CYFIP2: variants seen among roughly 807,000 people sequenced by gnomAD.
CYFIP2 encodes the protein cytoplasmic FMR1-interacting protein 2.
CYFIP2 carries 29 observed loss-of-function variants against 158.7 expected under a neutral mutation model. That is an observed-to-expected ratio of 0.18 (90% CI 0.14 to 0.25). CYFIP2 has a LOEUF of 0.25. CYFIP2 is among the 10% of genes least tolerant of loss of function. The probability of loss-of-function intolerance (pLI) is 1.00; values close to 1 mark genes in which losing one functional copy is unlikely to be tolerated. For synonymous variants in CYFIP2, 585 were observed against 617.6 expected, an observed-to-expected ratio of 0.95 and a Z score of 0.78; for missense variants, 852 against 1,639.5, an observed-to-expected ratio of 0.52 and a Z score of 8.29.
chr5:157,385,710 T>C (rs1209382767), intron 28 of CYFIP2, among the ~76,000 whole-genome samples: 2 of 152,190 alleles, frequency 1.3e-5, no homozygotes, highest in Non-Finnish European at 2.9e-5. Flanking sequence ...TTTACCTGCC[T>C]TTCTTGTTAT....
intron 4 of CYFIP2, among the ~76,000 whole-genome samples, chr5:157,295,396 A>C (rs1758172485): frequency 6.6e-6 from 1 of 152,228 alleles, no homozygotes; most frequent in Admixed American, 6.5e-5. Flanking sequence ...TATTACCATC[A>C]GTGCCATCAT....
At chr5:157,356,738 C>T (rs777458412) in intron 23 of CYFIP2, among the ~76,000 whole-genome samples, 1 of 152,170 alleles carries the variant, frequency 6.6e-6, no homozygotes, top group African/African-American at 2.4e-5. Context: ...GAAGAGTACA[C>T]GCCTCCTAGC....
At chr5:157,293,146 C>G (rs576277994) in intron 3 of CYFIP2, among the ~76,000 whole-genome samples, 2 of 152,214 alleles carry the variant, frequency 1.3e-5, no homozygotes, top group South Asian at 4.2e-4. Flanking sequence ...GCCTCTGCCC[C>G]CCGAGTTCAT....
intron 7 of CYFIP2, among the ~76,000 whole-genome samples, chr5:157,303,739 G>A (rs1036435619): frequency 3.9e-5 from 6 of 152,064 alleles, no homozygotes; most frequent in African/African-American, 1.4e-4. Context: ...TGGAGAGAAA[G>A]GGCCTAGGGT....
chr5:157,303,850 G>T (rs116596115), intron 7 of CYFIP2, among the ~76,000 whole-genome samples: 67 of 151,756 alleles, frequency 4.4e-4, no homozygotes, highest in African/African-American at 1.5e-3. Context: ...TCCTCCCCTG[G>T]GTGGGGTTTT....
chr5:157,343,828 A>G (rs1418948467), intron 23 of CYFIP2, among the ~76,000 whole-genome samples: 1 of 152,088 alleles, frequency 6.6e-6, no homozygotes, highest in African/African-American at 2.4e-5. Context: ...TCAGATAACA[A>G]AGGGGATTTT....
chr5:157,271,146 G>A (rs1756056887), intron 1 of CYFIP2, among the ~76,000 whole-genome samples: 2 of 152,202 alleles, frequency 1.3e-5, no homozygotes, highest in African/African-American at 4.8e-5. Context: ...TAAGATTTGA[G>A]AAGGGAAGAA....
intron 23 of CYFIP2, among the ~76,000 whole-genome samples, chr5:157,353,705 A>T (rs1763228017): frequency 6.6e-6 from 1 of 152,174 alleles, no homozygotes; most frequent in Non-Finnish European, 1.5e-5. Context: ...TAGGGAATTG[A>T]GCTGCAGCCA....
intron 12 of CYFIP2, 63 bp from the exon 13 acceptor site, chr5:157,314,906 C>A (rs1193377423): frequency 1.6e-6 from 2 of 1,268,450 alleles, no homozygotes; most frequent in African/African-American, 1.5e-5. Context: ...TGCATGGATC[C>A]ACCACATTCT....
rs1010909113 is a variant in CYFIP2 at position 157,326,171 on chromosome 5, G to A, written c.1983G>A (p.Glu661=). The change falls in exon 18 of 31, where the codon GAG becomes GAA. Residue 661 remains glutamate, a splice_region_variant and synonymous_variant. Transcript: ENST00000620254. Reference sequence around the variant, plus strand: ...GCTGGCTGTGTTTTTCCCTCTTCAGGTATGTCCTCTACCCTCTGGATCTGT... The same window carrying A: ...GCTGGCTGTGTTTTTCCCTCTTCAGATATGTCCTCTACCCTCTGGATCTGT... ...ILETKEPSMM[E]YVLYPLDLYN... is the part of the protein sequence containing the mutation. 5.0e-6 allele frequency: 8 copies of A among 1,612,638 alleles called. No individual in the cohort carries two copies. The African/African-American group carries it at 9.3e-5, about 19-fold the overall frequency.
At chr5:157,391,207 A>G (rs990642520) in intron 30 of CYFIP2, among the ~76,000 whole-genome samples, 3 of 152,202 alleles carry the variant, frequency 2.0e-5, no homozygotes, top group Non-Finnish European at 4.4e-5. Flanking sequence ...CAGCAGAGGC[A>G]CTGAGGCAGG....
At chr5:157,384,178 G>A (rs1284238923) in intron 28 of CYFIP2, 1 of 411,904 alleles carries the variant, frequency 2.4e-6, no homozygotes, top group East Asian at 7.2e-5. Context: ...TACGAGTCAC[G>A]ATGAACATCA....
intron 15 of CYFIP2, among the ~76,000 whole-genome samples, chr5:157,323,650 T>C (rs1760784856): frequency 6.6e-6 from 1 of 152,198 alleles, no homozygotes; most frequent in African/African-American, 2.4e-5. Flanking sequence ...TCTCCTCTGA[T>C]ATACACGCCC....
At chr5:157,324,972 ATTAT>A (rs2113135274) in intron 16 of CYFIP2, 1 of 151,900 alleles carries the variant, frequency 6.6e-6, no homozygotes, top group South Asian at 2.1e-4. Context: ...TGCCCGGCTA[ATTAT>A]TTATTTTTTT....
intron 1 of CYFIP2, among the ~76,000 whole-genome samples, chr5:157,267,980 TG>T (rs1755753777): frequency 6.6e-6 from 1 of 152,238 alleles, no homozygotes; most frequent in Non-Finnish European, 1.5e-5. Flanking sequence ...ACTGGTCAGG[TG>T]TTACTGTCAC....
At chr5:157,336,398 A>C (rs1761860798) in intron 21 of CYFIP2, among the ~76,000 whole-genome samples, 1 of 152,238 alleles carries the variant, frequency 6.6e-6, no homozygotes, top group African/African-American at 2.4e-5. Flanking sequence ...AAACTGCAGA[A>C]GCTCTGGCAA....
At chr5:157,287,315 T>C (rs1757473135) in intron 3 of CYFIP2, among the ~76,000 whole-genome samples, 1 of 152,250 alleles carries the variant, frequency 6.6e-6, no homozygotes, top group Non-Finnish European at 1.5e-5. Flanking sequence ...TGTCCAGCTT[T>C]GGGAATCCTA....
At chr5:157,304,205 G>A (rs773660385) in intron 7 of CYFIP2, 33 bp from the exon 8 acceptor site, 15 of 1,599,174 alleles carry the variant, frequency 9.4e-6, no homozygotes, top group East Asian at 6.8e-5. Flanking sequence ...GGATACATGC[G>A]CTGCCTAACC....
In CYFIP2 at chr5:157,395,289, T is replaced by C. The variant is rs1767652601; in HGVS notation, c.*2289T>C. 1 of 276,104 alleles carries C rather than the reference T, an allele frequency of 3.6e-6. No individual in the cohort carries two copies. Among genetic ancestry groups the C allele is most frequent in the Admixed American group, 5.5e-5 (1 of 18,214 alleles). 17.1% of individuals were successfully genotyped at this position (276,104 alleles called of 1,614,324 possible). On this transcript the variant is annotated 3_prime_UTR_variant, in exon 31 of 31. Coordinates refer to ENST00000620254, the MANE Select transcript of CYFIP2 (RefSeq NM_001037333.3). ...TGCCCCAGCCTCTTTTTATTTTTTT[T>C]GTGTGTGTCTAATAACCAGGAAAAA...
Sources: allele counts gnomAD v4.1 joint callset (sites outside exome capture counted in the v4.1 genomes callset), GRCh38; gene constraint gnomAD v4.1.1; transcripts MANE v1.5; gene names NCBI Gene and HGNC (gene_info 2026-07-23, HGNC 2026-07-21).